IL1RAPL1: variants seen among roughly 807,000 people sequenced by gnomAD.
IL1RAPL1 encodes interleukin-1 receptor accessory protein-like 1.
IL1RAPL1 carries 3 observed loss-of-function variants against 48.4 expected under a neutral mutation model. That is an observed-to-expected ratio of 0.06 (90% CI 0.03 to 0.16). The LOEUF (loss-of-function observed/expected upper bound fraction) is 0.16, where lower values mean the gene tolerates loss of function less well. Among genes scored for constraint, IL1RAPL1 ranks in the 10% least tolerant of loss-of-function variants. The pLI, the probability that IL1RAPL1 is intolerant of heterozygous loss-of-function variation, is 1.00. For missense variants in IL1RAPL1, 349 were observed against 530.6 expected, an observed-to-expected ratio of 0.66 and a Z score of 3.36; for synonymous variants, 185 against 187.7, an observed-to-expected ratio of 0.99 and a Z score of 0.12.
intron 5 of IL1RAPL1, among the ~76,000 whole-genome samples, chrX:29,470,657 A>G (rs1202778006): frequency 9.0e-6 from 1 of 111,452 alleles, no homozygotes; most frequent in East Asian, 2.8e-4. Context: ...TTTTAGAGAT[A>G]GGGTCTCACT....
At chrX:29,749,210 A>G (rs370326642) in intron 6 of IL1RAPL1, among the ~76,000 whole-genome samples, 1 of 111,609 alleles carries the variant, frequency 9.0e-6, no homozygotes, top group African/African-American at 3.3e-5. Flanking sequence ...CCCTTAGGGG[A>G]TATTGTTATA....
intron 6 of IL1RAPL1, among the ~76,000 whole-genome samples, chrX:29,766,596 A>G (rs1033314464): frequency 9.4e-5 from 9 of 96,088 alleles, no homozygotes; most frequent in African/African-American, 1.9e-4. Context: ...AAATTTATCA[A>G]TTTCTTACAT....
intron 2 of IL1RAPL1, among the ~76,000 whole-genome samples, chrX:29,195,567 T>A: frequency 9.8e-6 from 1 of 101,801 alleles, no homozygotes; most frequent in South Asian, 4.9e-4. Context: ...CTTTTTTTTT[T>A]TTTTTTTTTG....
At chrX:29,677,010 G>A (rs1044090779) in intron 6 of IL1RAPL1, among the ~76,000 whole-genome samples, 4 of 111,943 alleles carry the variant, frequency 3.6e-5, no homozygotes, top group South Asian at 3.7e-4. Flanking sequence ...AGAACATTAC[G>A]TTGTAGAATA....
intron 6 of IL1RAPL1, among the ~76,000 whole-genome samples, chrX:29,802,789 GTGTA>G (rs1420928659): frequency 0.037 from 971 of 26,035 alleles, 36 homozygotes; most frequent in South Asian, 0.079. Flanking sequence ...ATATGTGTGT[GTGTA>G]TATATATATA....
intron 2 of IL1RAPL1, among the ~76,000 whole-genome samples, chrX:29,263,300 T>C (rs1931893134): frequency 8.9e-6 from 1 of 112,331 alleles, no homozygotes; most frequent in African/African-American, 3.2e-5. Context: ...TCTTAGCTTA[T>C]TATTTTCCTC....
At chrX:29,284,000 A>G (rs1237002859) in intron 3 of IL1RAPL1, among the ~76,000 whole-genome samples, 1 of 112,823 alleles carries the variant, frequency 8.9e-6, no homozygotes, top group Non-Finnish European at 1.9e-5. Flanking sequence ...ATGTCATTGG[A>G]CTATTAGAAC....
At chrX:29,089,004 C>G (rs185610450) in intron 2 of IL1RAPL1, among the ~76,000 whole-genome samples, 1 of 111,320 alleles carries the variant, frequency 9.0e-6, no homozygotes, top group East Asian at 2.8e-4. Context: ...AAAATGAGAA[C>G]AGTCCTACCT....
chrX:29,641,171 AAAATAAACAAAC>A (rs1306913494), intron 5 of IL1RAPL1, among the ~76,000 whole-genome samples: 6 of 95,234 alleles, frequency 6.3e-5, no homozygotes, highest in African/African-American at 2.3e-4. Flanking sequence ...ACCCTGTCTC[AAAATAAACAAAC>A]AAACAAACAA....
At chrX:28,629,927 A>T (rs1934380741) in intron 1 of IL1RAPL1, among the ~76,000 whole-genome samples, 1 of 111,811 alleles carries the variant, frequency 8.9e-6, no homozygotes, top group South Asian at 3.7e-4. Flanking sequence ...CAGCATCATG[A>T]ATTATTATTT....
chrX:28,658,180 C>A (rs1934771648), intron 1 of IL1RAPL1, among the ~76,000 whole-genome samples: 1 of 112,189 alleles, frequency 8.9e-6, no homozygotes, highest in Non-Finnish European at 1.9e-5. Context: ...TTCCCATGTC[C>A]TCCAAATTTG....
At chrX:28,828,341 A>G (rs1377825584) in intron 2 of IL1RAPL1, among the ~76,000 whole-genome samples, 1 of 112,132 alleles carries the variant, frequency 8.9e-6, no homozygotes, top group Non-Finnish European at 1.9e-5. Context: ...CTAGCATTAT[A>G]AAATAATTTA....
chrX:29,521,327 CA>C (rs1935500736), intron 5 of IL1RAPL1, among the ~76,000 whole-genome samples: 1 of 111,691 alleles, frequency 9.0e-6, no homozygotes, highest in Non-Finnish European at 1.9e-5. Context: ...TCATTGGAGC[CA>C]AATTGCTGGG....
intron 9 of IL1RAPL1, among the ~76,000 whole-genome samples, chrX:29,942,619 ATTT>A (rs748964603): frequency 9.8e-6 from 1 of 102,143 alleles, no homozygotes. Context: ...TTTCTTCATC[ATTT>A]TTTTTTTTTT....
At chrX:28,966,455 C>G (rs971303002) in intron 2 of IL1RAPL1, among the ~76,000 whole-genome samples, 2 of 111,707 alleles carry the variant, frequency 1.8e-5, no homozygotes, top group African/African-American at 3.3e-5. Context: ...TTGACCAACT[C>G]ATGTGCATTC....
intron 2 of IL1RAPL1, among the ~76,000 whole-genome samples, chrX:28,826,198 T>C (rs1261993108): frequency 8.9e-6 from 1 of 111,993 alleles, no homozygotes; most frequent in Non-Finnish European, 1.9e-5. Flanking sequence ...AGAAAATTTA[T>C]ATCATTCTTC....
intron 2 of IL1RAPL1, among the ~76,000 whole-genome samples, chrX:28,997,671 A>T (rs1367766267): frequency 9.0e-6 from 1 of 111,607 alleles, no homozygotes; most frequent in African/African-American, 3.3e-5. Context: ...TCCAGTTATT[A>T]TTAAGATAAA....
chrX:29,803,375 A>ATGTATACATGTATACACATATGTATATG (rs1930139018), intron 6 of IL1RAPL1, among the ~76,000 whole-genome samples: 15 of 84,203 alleles, frequency 1.8e-4, no homozygotes, highest in South Asian at 1.1e-3. Flanking sequence ...ATATGTATAT[A>ATGTATACATGTATACACATATGTATATG]TGTATACATG....
At chrX:29,479,661 C>T (rs1004032462) in intron 5 of IL1RAPL1, among the ~76,000 whole-genome samples, 1 of 109,370 alleles carries the variant, frequency 9.1e-6, no homozygotes, top group African/African-American at 3.3e-5. Context: ...TTTTATCCCT[C>T]ACCCGCCTCC....
Sources: gnomAD v4.1 joint callset for allele counts (sites outside exome capture counted in the v4.1 genomes callset) on GRCh38, gnomAD v4.1.1 for gene constraint, MANE v1.5 for transcripts, NCBI Gene and HGNC (gene_info 2026-07-23, HGNC 2026-07-21) for gene names.